The following PRKCB variants were observed in gnomAD, a reference collection of about 807,000 sequenced individuals.
PRKCB encodes protein kinase C beta type.
A neutral mutation model predicts 81.5 loss-of-function variants in PRKCB; 13 were observed. The ratio of observed to expected loss-of-function variants is 0.16; its 90% CI spans 0.10 to 0.25. The LOEUF (loss-of-function observed/expected upper bound fraction) is 0.25, where lower values mean the gene tolerates loss of function less well. Among genes scored for constraint, PRKCB ranks in the 10% least tolerant of loss-of-function variants. The pLI is 1.00. For missense variants in PRKCB, 509 were observed against 875.7 expected, an observed-to-expected ratio of 0.58 and a Z score of 5.29; for synonymous variants, 335 against 321.4, an observed-to-expected ratio of 1.04 and a Z score of -0.45.
intron 1 of PRKCB, 147 bp downstream of exon 1, chr16:23,836,495 C>T (rs1962160785): frequency 1.6e-6 from 2 of 1,289,474 alleles, no homozygotes; most frequent in African/African-American, 1.6e-5. Context: ...CCCTGCTGCC[C>T]GGGACTCCCG....
intron 2 of PRKCB, among the ~76,000 whole-genome samples, chr16:23,900,051 G>A (rs905245517): frequency 7.2e-5 from 11 of 152,120 alleles, no homozygotes; most frequent in Admixed American, 5.2e-4. Context: ...TTGCCCCCAG[G>A]TGGTATTTGG....
rs1024977054 is a variant in PRKCB, at chr16:23,835,990, C to G, written c.-186C>G. On this transcript the variant is annotated 5_prime_UTR_variant, in exon 1 of 17. Transcript: ENST00000643927. ...GCGGTGCCAAGCGCAGCTGGACGAGCGGCAGCAGCTGGGCGAGTGACAGCC... is the reference window on the plus strand; with the variant it reads ...GCGGTGCCAAGCGCAGCTGGACGAGGGGCAGCAGCTGGGCGAGTGACAGCC... 1 of 201,942 alleles carries G rather than the reference C, an allele frequency of 5.0e-6. No individual in the cohort carries two copies. The highest frequency in any genetic ancestry group is 1.9e-4 in the East Asian group (1 of 5,344). The allele number at this position is 201,942 out of a possible 1,614,324, so 12.5% of individuals were successfully genotyped here. A position where few individuals can be genotyped will look rare whatever the true frequency, so the allele number is the denominator to read the frequency against.
At chr16:24,018,571 T>A (rs8060510) in intron 3 of PRKCB, among the ~76,000 whole-genome samples, 8,550 of 152,306 alleles carry the variant, frequency 0.056, 403 homozygotes, top group African/African-American at 0.12. Context: ...AATTCACCCC[T>A]ATATTGACAT....
chr16:23,925,417 G>A (rs373775475), intron 2 of PRKCB, among the ~76,000 whole-genome samples: 34 of 151,926 alleles, frequency 2.2e-4, no homozygotes, highest in Admixed American at 1.2e-3. Flanking sequence ...CTTCCTGGAC[G>A]TGACCCTCCT....
intron 5 of PRKCB, among the ~76,000 whole-genome samples, chr16:24,042,261 C>G (rs1489754459): frequency 1.3e-5 from 2 of 152,158 alleles, no homozygotes; most frequent in South Asian, 2.1e-4. Context: ...CTCGGAGGCT[C>G]TCTCAGGAGA....
intron 5 of PRKCB, among the ~76,000 whole-genome samples, chr16:24,041,061 TGTG>T (rs776013053): frequency 2.7e-5 from 4 of 150,092 alleles, no homozygotes; most frequent in Non-Finnish European, 4.4e-5. Flanking sequence ...TAATTTTTTT[TGTG>T]TGTGTGTGAC....
intron 3 of PRKCB, among the ~76,000 whole-genome samples, chr16:24,016,247 C>G (rs557676936): frequency 9.9e-5 from 15 of 152,162 alleles, no homozygotes; most frequent in African/African-American, 3.4e-4. Context: ...TACAGTATTC[C>G]CCATCAAAAT....
intron 8 of PRKCB, among the ~76,000 whole-genome samples, chr16:24,119,472 A>G (rs999910935): frequency 6.6e-6 from 1 of 152,142 alleles, no homozygotes; most frequent in Non-Finnish European, 1.5e-5. Context: ...GAAAGTTCCC[A>G]GGATGGGAAA....
Position 24,216,445 on chromosome 16 carries a change from G to A in PRKCB, c.*1629G>A. On this transcript the variant is annotated 3_prime_UTR_variant, in exon 17 of 17. Coordinates refer to ENST00000643927, the MANE Select transcript of PRKCB (RefSeq NM_002738.7). The stretch of plus-strand genomic sequence containing the variant: ...AGCAGGTGACTCCCCCTCCTCGCCT[G>A]CCGTGTCCTGCTATTCTCAGGCAGC... The A allele has an allele frequency of 1.0e-6, 1 of 985,436 alleles. No individual in the cohort carries two copies. The highest frequency in any genetic ancestry group is 1.2e-6 in the Non-Finnish European group (1 of 829,930). The allele number at this position is 985,436 out of a possible 1,614,324, so 61.0% of individuals were successfully genotyped here.
At chr16:24,088,427 C>G (rs1051469324) in intron 5 of PRKCB, among the ~76,000 whole-genome samples, 2 of 152,060 alleles carry the variant, frequency 1.3e-5, no homozygotes, top group Non-Finnish European at 2.9e-5. Context: ...ATTAGATTCC[C>G]AAGAAAAGGT....
chr16:24,029,273 C>T (rs1460935939), intron 3 of PRKCB, among the ~76,000 whole-genome samples: 1 of 152,174 alleles, frequency 6.6e-6, no homozygotes, highest in African/African-American at 2.4e-5. Context: ...GAATTGTAAT[C>T]CTCATAATCC....
At chr16:24,193,444 C>CAAATAAATAAAT (rs56289209) in intron 16 of PRKCB, among the ~76,000 whole-genome samples, 5 of 122,166 alleles carry the variant, frequency 4.1e-5, no homozygotes, top group African/African-American at 1.7e-4. Flanking sequence ...GACTCCATCT[C>CAAATAAATAAAT]AAATAAATAA....
chr16:23,966,535 A>G (rs1053933532), intron 2 of PRKCB, among the ~76,000 whole-genome samples: 7 of 152,206 alleles, frequency 4.6e-5, no homozygotes, highest in African/African-American at 2.4e-5. Context: ...TAGCTTTTCT[A>G]TAAGTGATTA....
intron 2 of PRKCB, among the ~76,000 whole-genome samples, chr16:23,934,848 G>A (rs1226442317): frequency 1.3e-5 from 2 of 152,206 alleles, no homozygotes; most frequent in Admixed American, 1.3e-4. Flanking sequence ...GGAAGCCAGT[G>A]TGGTAGGAGT....
At chr16:24,030,781 C>A (rs904004202) in intron 3 of PRKCB, among the ~76,000 whole-genome samples, 21 of 151,962 alleles carry the variant, frequency 1.4e-4, no homozygotes, top group African/African-American at 5.1e-4. Context: ...GCCTGTAGTC[C>A]CAGCTACTCG....
chr16:24,155,051 C>G (rs1171646799), intron 10 of PRKCB, among the ~76,000 whole-genome samples, 194 bp downstream of exon 10: 5 of 152,242 alleles, frequency 3.3e-5, no homozygotes, highest in Non-Finnish European at 5.9e-5. Context: ...GAGACAGATG[C>G]TGTCTCAACT....
At chr16:24,081,306 C>A (rs560235373) in intron 5 of PRKCB, among the ~76,000 whole-genome samples, 2 of 150,776 alleles carry the variant, frequency 1.3e-5, no homozygotes, top group African/African-American at 2.4e-5. Flanking sequence ...TATTAATAAT[C>A]TAAAGAAAGA....
chr16:23,837,480 A>C, intron 2 of PRKCB, 74 bp downstream of exon 2: 11 of 1,542,652 alleles, frequency 7.1e-6, no homozygotes, highest in Non-Finnish European at 8.8e-6. Flanking sequence ...GAAGTTACTG[A>C]GTTAGGCAGA....
intron 5 of PRKCB, among the ~76,000 whole-genome samples, chr16:24,041,940 C>T (rs934018618): frequency 1.4e-5 from 2 of 144,300 alleles, no homozygotes; most frequent in African/African-American, 2.6e-5. Context: ...GCTGAGATTG[C>T]ATCACAGCAC....
Sources: allele counts gnomAD v4.1 joint callset (sites outside exome capture counted in the v4.1 genomes callset), GRCh38; gene constraint gnomAD v4.1.1; transcripts MANE v1.5; gene names NCBI Gene and HGNC (gene_info 2026-07-23, HGNC 2026-07-21).